ARSG: variants seen among roughly 807,000 people sequenced by gnomAD.
ARSG encodes ASG.
ARSG carries 37 observed loss-of-function variants against 50.5 expected under a neutral mutation model. The ratio of observed to expected loss-of-function variants is 0.73; its 90% CI spans 0.56 to 0.96. ARSG has a LOEUF of 0.96. Among genes scored for constraint, ARSG ranks in the 50% least tolerant of loss-of-function variants. The pLI, the probability that ARSG is intolerant of heterozygous loss-of-function variation, is 0.00. For synonymous variants in ARSG, 225 were observed against 254.6 expected, an observed-to-expected ratio of 0.88 and a Z score of 1.11; for missense variants, 629 against 675.3, an observed-to-expected ratio of 0.93 and a Z score of 0.76.
Position 68,401,349 on chromosome 17 carries a change from C to T in ARSG, c.1213-11C>T, listed in dbSNP as rs2081461691. On this transcript the variant is annotated splice_polypyrimidine_tract_variant and intron_variant, in intron 10 of 11. Coordinates refer to ENST00000621439, the MANE Select transcript of ARSG (RefSeq NM_001267727.2). ...ATTTTTCTATTAGTAAGCTCTGCCACCCTTTCTCAGGTGCTGTTCCACCCC... is the reference window on the plus strand; with the variant it reads ...ATTTTTCTATTAGTAAGCTCTGCCATCCTTTCTCAGGTGCTGTTCCACCCC... 1 of 1,613,214 alleles carries T rather than the reference C, an allele frequency of 6.2e-7. No individual in the cohort carries two copies. Among genetic ancestry groups the T allele is most frequent in the Non-Finnish European group, 8.5e-7 (1 of 1,179,442 alleles).
In ARSG at chr17:68,389,933, C is replaced by G. The variant is rs183140449; in HGVS notation, c.1091+4761C>G. Among the ~76,000 whole-genome samples, 6 of 152,156 alleles carry G rather than the reference C, an allele frequency of 3.9e-5. No individual in the cohort carries two copies. The East Asian group carries it at 1.2e-3, about 29-fold the overall frequency. On this transcript the variant is annotated intron_variant, in intron 9 of 11. Transcript: ENST00000621439. ...CTGTTGGCCTTCCACTCCCCTTTAC[C>G]TACCCCCCACCTGCACACCTTGGGG... is the stretch of plus-strand genomic sequence containing the variant.
At chr17:68,424,647 G>A (rs139403116), downstream of ARSG, 1,152 of 386,896 alleles carry the variant, frequency 3.0e-3, 16 homozygotes, top group African/African-American at 0.023. Context: ...AGGCCGAGAC[G>A]AGTGGATCAC....
chr17:68,333,628 CAAAAAT>C (rs1384120270), intron 2 of ARSG, among the ~76,000 whole-genome samples: 20 of 102,398 alleles, frequency 2.0e-4, no homozygotes, highest in African/African-American at 7.4e-4. Flanking sequence ...AACTCTGTCT[CAAAAAT>C]AATAATAATA....
chr17:68,426,295 T>A (rs1402639987), downstream of ARSG: 2 of 779,018 alleles, frequency 2.6e-6, no homozygotes, highest in East Asian at 5.3e-5. Flanking sequence ...CTGTCTGTCT[T>A]CCCCCTGGAG....
chr17:68,332,800 C>T (rs2077833952), intron 2 of ARSG, among the ~76,000 whole-genome samples: 1 of 152,158 alleles, frequency 6.6e-6, no homozygotes, highest in African/African-American at 2.4e-5. Context: ...ACACCTGACC[C>T]TGCATTTTCA....
upstream of ARSG, among the ~76,000 whole-genome samples, chr17:68,288,047 A>G (rs2075883365): frequency 7.2e-6 from 1 of 138,326 alleles, no homozygotes; most frequent in Non-Finnish European, 1.5e-5. Context: ...CCCAGGCTGG[A>G]GCACAGTGGT....
chr17:68,264,270 T>C (rs1339719897), intron 1 of ARSG, among the ~76,000 whole-genome samples: 6 of 152,212 alleles, frequency 3.9e-5, no homozygotes, highest in Non-Finnish European at 8.8e-5. Context: ...AATGCTGACA[T>C]AGAATCCATT....
At chr17:68,312,324 G>A (rs1382265962) in intron 2 of ARSG, among the ~76,000 whole-genome samples, 1 of 152,168 alleles carries the variant, frequency 6.6e-6, no homozygotes, top group East Asian at 1.9e-4. Flanking sequence ...GCCCTGGAAT[G>A]TCACCCCAAA....
intron 1 of ARSG, among the ~76,000 whole-genome samples, chr17:68,295,945 G>T (rs2145348088): frequency 6.6e-6 from 1 of 152,076 alleles, no homozygotes; most frequent in Admixed American, 6.5e-5. Flanking sequence ...CTCCCACAGT[G>T]CTGGGATTAT....
chr17:68,331,809 G>A lies in ARSG; in HGVS notation c.219-11795G>A, dbSNP rs889775787. Among the ~76,000 whole-genome samples, 3 of 152,254 alleles carry A rather than the reference G, an allele frequency of 2.0e-5. No homozygotes were observed. The South Asian group carries it at 6.2e-4, about 32-fold the overall frequency. On this transcript the variant is annotated intron_variant, in intron 2 of 11. Coordinates refer to ENST00000621439, the MANE Select transcript of ARSG (RefSeq NM_001267727.2). Reference sequence around the variant, plus strand: ...TGTCCGGGGGAGACATCACATGTTGGCAGGTTCCGTGATGCCCCCAAGCCA... The same window carrying A: ...TGTCCGGGGGAGACATCACATGTTGACAGGTTCCGTGATGCCCCCAAGCCA...
chr17:68,431,783 A>ATGAG, the ARSG span, among the ~76,000 whole-genome samples: 2 of 8,504 alleles, frequency 2.4e-4, no homozygotes, highest in South Asian at 3.1e-3. Flanking sequence ...TTGAGCGGAG[A>ATGAG]ACCCAGAACA....
At chr17:68,313,822 G>A (rs1027979105) in intron 2 of ARSG, among the ~76,000 whole-genome samples, 2 of 151,780 alleles carry the variant, frequency 1.3e-5, no homozygotes, top group Non-Finnish European at 2.9e-5. Flanking sequence ...GGAATTACAG[G>A]CACCTGCCAC....
upstream of ARSG, chr17:68,291,299 C>T (rs2075978212): frequency 6.9e-6 from 1 of 145,410 alleles, no homozygotes; most frequent in Admixed American, 6.7e-5. Context: ...CCACACCCTC[C>T]CCCCGCCCCC....
chr17:68,427,182 G>A (rs887146669), downstream of ARSG: 2 of 1,614,022 alleles, frequency 1.2e-6, no homozygotes, highest in Admixed American at 1.7e-5. Context: ...TACGGTCGCT[G>A]CATAAGACTG....
the ARSG span, among the ~76,000 whole-genome samples, chr17:68,442,464 CA>C: frequency 0.045 from 2,801 of 62,780 alleles, 68 homozygotes; most frequent in East Asian, 0.19. Context: ...GACTGTGTCT[CA>C]AAAAAAAAAA....
chr17:68,427,208 G>A (rs757189083), downstream of ARSG: 1 of 1,614,212 alleles, frequency 6.2e-7, no homozygotes, highest in Non-Finnish European at 8.5e-7. Context: ...AGGAAGGTCT[G>A]AGGTCATTTT....
chr17:68,361,830 T>C (rs1398847647), intron 6 of ARSG, among the ~76,000 whole-genome samples: 1 of 152,042 alleles, frequency 6.6e-6, no homozygotes, highest in African/African-American at 2.4e-5. Flanking sequence ...GGTAGGAGAA[T>C]GCTTGAACCC....
At chr17:68,341,848 C>T (rs559552674) in intron 2 of ARSG, among the ~76,000 whole-genome samples, 7 of 152,192 alleles carry the variant, frequency 4.6e-5, no homozygotes, top group African/African-American at 1.4e-4. Flanking sequence ...GATACAGACT[C>T]TTGCTCTGTC....
chr17:68,419,262 T>C (rs2082595355), intron 11 of ARSG, among the ~76,000 whole-genome samples: 1 of 152,172 alleles, frequency 6.6e-6, no homozygotes, highest in South Asian at 2.1e-4. Context: ...TTAAAGATAC[T>C]TTAAAAAATT....
Sources: allele counts gnomAD v4.1 joint callset (sites outside exome capture counted in the v4.1 genomes callset), GRCh38; gene constraint gnomAD v4.1.1; transcripts MANE v1.5; gene names NCBI Gene and HGNC (gene_info 2026-07-23, HGNC 2026-07-21).